PCDHA10: variants seen among roughly 807,000 people sequenced by gnomAD.
PCDHA10 encodes protocadherin alpha 10.
In PCDHA10, 45 loss-of-function variants were observed where a neutral mutation model predicts 61.2. That is an observed-to-expected ratio of 0.74 (90% CI 0.58 to 0.94). The LOEUF (loss-of-function observed/expected upper bound fraction) is 0.94. Among genes scored for constraint, PCDHA10 ranks in the 40% least tolerant of loss-of-function variants. PCDHA10 has a pLI of 0.00. For synonymous variants in PCDHA10, 602 were observed against 548.8 expected, an observed-to-expected ratio of 1.10 and a Z score of -1.35; for missense variants, 1,278 against 1,236.2, an observed-to-expected ratio of 1.03 and a Z score of -0.51.
rs782444703 is a variant in PCDHA10 at position 140,856,052 on chromosome 5, G to T, written c.4G>T (p.Val2Phe). 12 of 1,585,178 alleles carry T rather than the reference G, an allele frequency of 7.6e-6. No individual in the cohort carries two copies. In the East Asian group the frequency reaches 2.5e-4, roughly 32 times the overall value. The change falls in exon 1 of 4, where the codon GTT becomes TTT. Residue 2 changes from valine (V) to phenylalanine (F), a missense_variant. Transcript: ENST00000307360. The part of the protein sequence containing the change: M[V>F]SRCSCLGVQC... The stretch of plus-strand genomic sequence containing the variant: ...TGTAAAACAAGAGAAGGATAAGATG[G>T]TTTCCAGATGTAGCTGCCTGGGGGT...
At chr5:140,884,137 C>T (rs782067447) in intron 1 of PCDHA10, 4 of 1,613,402 alleles carry the variant, frequency 2.5e-6, no homozygotes, top group Middle Eastern at 1.7e-4. Context: ...TCCCGTTCCG[C>T]GTGGGGCTGT....
rs1588262423 is a variant in PCDHA10 at position 141,011,885 on chromosome 5, T to C, written c.*1948T>C. 1 of 153,482 alleles carries C rather than the reference T, an allele frequency of 6.5e-6. No homozygotes were observed. The highest frequency in any genetic ancestry group is 1.9e-4 in the East Asian group (1 of 5,202). 9.5% of individuals were successfully genotyped at this position (153,482 alleles called of 1,614,324 possible). ...ATAATGTACAATTTAGAAGTTTGATTAATTATATTATCTATTTAGGCATTA... is the reference window on the plus strand; with the variant it reads ...ATAATGTACAATTTAGAAGTTTGATCAATTATATTATCTATTTAGGCATTA... On this transcript the variant is annotated 3_prime_UTR_variant, in exon 4 of 4. Transcript: ENST00000307360.
At chr5:140,922,661 T>C (rs1255153267) in intron 1 of PCDHA10, among the ~76,000 whole-genome samples, 2 of 152,156 alleles carry the variant, frequency 1.3e-5, no homozygotes, top group African/African-American at 4.8e-5. Context: ...ATGGCTATAC[T>C]GCAAGCAGTA....
At chr5:140,910,525 C>T (rs531874263) in intron 1 of PCDHA10, among the ~76,000 whole-genome samples, 2 of 152,258 alleles carry the variant, frequency 1.3e-5, no homozygotes, top group African/African-American at 4.8e-5. Context: ...GCAGGTACTC[C>T]CCTCACAAAT....
chr5:140,893,338 T>C (rs1409461265), intron 1 of PCDHA10, among the ~76,000 whole-genome samples: 1 of 152,174 alleles, frequency 6.6e-6, no homozygotes, highest in African/African-American at 2.4e-5. Context: ...TTTTCCTTAG[T>C]GGCAGTGCTA....
intron 3 of PCDHA10, among the ~76,000 whole-genome samples, chr5:140,987,224 A>T (rs28567024): frequency 4.6e-5 from 7 of 152,044 alleles, no homozygotes; most frequent in East Asian, 1.9e-4. Context: ...AAAAAAAAAA[A>T]AAATAATAAA....
intron 3 of PCDHA10, among the ~76,000 whole-genome samples, chr5:141,005,406 G>C (rs1224420854): frequency 1.3e-5 from 2 of 152,172 alleles, no homozygotes; most frequent in Non-Finnish European, 2.9e-5. Flanking sequence ...GACTTGAAGA[G>C]TGAGGAGTCA....
chr5:140,926,842 G>A (rs1388239431), intron 1 of PCDHA10: 1 of 1,514,684 alleles, frequency 6.6e-7, no homozygotes, highest in Non-Finnish European at 8.8e-7. Flanking sequence ...GCATGGTCCT[G>A]GGTCACCGTT....
chr5:140,857,359 G>A lies in PCDHA10; in HGVS notation c.1311G>A (p.Thr437=), dbSNP rs200721411. The A allele has an allele frequency of 2.9e-5, 46 of 1,598,282 alleles. 7 individuals carry two copies. The highest frequency in any genetic ancestry group is 3.8e-5 in the Non-Finnish European group (44 of 1,167,900). ...RDGGSPPLWA[T]ASVSVEVADV... ...GGGGCTCGCCTCCGCTGTGGGCCAC[G>A]GCCAGCGTGTCTGTGGAGGTGGCCG... The change falls in exon 1 of 4, where the codon ACG becomes ACA. Residue 437 remains threonine, a synonymous_variant. Coordinates refer to ENST00000307360, the MANE Select transcript of PCDHA10 (RefSeq NM_018901.4).
At chr5:140,874,496 T>A (rs1352627184) in intron 1 of PCDHA10, among the ~76,000 whole-genome samples, 1 of 152,214 alleles carries the variant, frequency 6.6e-6, no homozygotes, top group Non-Finnish European at 1.5e-5. Context: ...TGATATCAAG[T>A]TCACATTCTC....
intron 1 of PCDHA10, among the ~76,000 whole-genome samples, chr5:140,962,940 A>G (rs1441801947): frequency 1.3e-5 from 2 of 152,186 alleles, no homozygotes; most frequent in African/African-American, 4.8e-5. Context: ...CCTCCTCTCC[A>G]TAAGATATGC....
At chr5:140,979,564 A>G (rs1267870261) in intron 2 of PCDHA10, among the ~76,000 whole-genome samples, 2 of 152,222 alleles carry the variant, frequency 1.3e-5, no homozygotes, top group Non-Finnish European at 2.9e-5. Context: ...AAGATGAGCC[A>G]TGTAAAGGGC....
At chr5:140,882,652 C>T (rs781900873) in intron 1 of PCDHA10, 1 of 1,614,216 alleles carries the variant, frequency 6.2e-7, no homozygotes, top group Non-Finnish European at 8.5e-7. Flanking sequence ...ACATTAACGA[C>T]AACCCGCCCA....
chr5:141,009,011 T>C (rs1461112133), intron 3 of PCDHA10, among the ~76,000 whole-genome samples: 1 of 152,256 alleles, frequency 6.6e-6, no homozygotes, highest in East Asian at 1.9e-4. Context: ...ATATTTTGCC[T>C]TTAGGCTCTG....
intron 1 of PCDHA10, chr5:140,876,915 C>G: frequency 6.2e-7 from 1 of 1,613,966 alleles, no homozygotes; most frequent in East Asian, 2.2e-5. Flanking sequence ...CGGCATGGGA[C>G]GCGGACGCGC....
chr5:140,937,560 T>A (rs933672983), intron 1 of PCDHA10, among the ~76,000 whole-genome samples: 1 of 152,060 alleles, frequency 6.6e-6, no homozygotes, highest in Non-Finnish European at 1.5e-5. Flanking sequence ...GAGGTTGCAG[T>A]GAGCTGGGAT....
At chr5:140,887,236 AC>A (rs1394086851) in intron 1 of PCDHA10, among the ~76,000 whole-genome samples, 1 of 151,804 alleles carries the variant, frequency 6.6e-6, no homozygotes, top group Non-Finnish European at 1.5e-5. Flanking sequence ...AGCTGAGACT[AC>A]CGGCGCCCGC....
At chr5:140,936,640 C>T (rs782162757) in intron 1 of PCDHA10, among the ~76,000 whole-genome samples, 2 of 152,208 alleles carry the variant, frequency 1.3e-5, no homozygotes, top group Non-Finnish European at 2.9e-5. Flanking sequence ...TCATAAGCAA[C>T]GTGACTTTAT....
At chr5:140,985,608 G>A (rs76669319) in intron 3 of PCDHA10, among the ~76,000 whole-genome samples, 1,553 of 152,166 alleles carry the variant, frequency 0.01, 12 homozygotes, top group Middle Eastern at 0.054. Context: ...AGCCCTTTCC[G>A]TGAACCAGCT....
Sources: allele counts gnomAD v4.1 joint callset (sites outside exome capture counted in the v4.1 genomes callset), GRCh38; gene constraint gnomAD v4.1.1; transcripts MANE v1.5; gene names NCBI Gene and HGNC (gene_info 2026-07-23, HGNC 2026-07-21).